The following SCAF11 variants were observed in gnomAD, a reference collection of about 807,000 sequenced individuals.
SCAF11 encodes SR-related CTD associated factor 11.
SCAF11 carries 47 observed loss-of-function variants against 140.5 expected under a neutral mutation model. That is an observed-to-expected ratio of 0.33 (90% CI 0.26 to 0.43). The LOEUF is 0.43. SCAF11 is among the 20% of genes least tolerant of loss of function. The pLI, the probability that SCAF11 is intolerant of heterozygous loss-of-function variation, is 1.00. For missense variants in SCAF11, 1,645 were observed against 1,705.1 expected (o/e 0.96, Z 0.62); for synonymous variants, 557 against 579.4 (o/e 0.96, Z 0.55).
chr12:45,929,929 G>C (rs1945000875), intron 10 of SCAF11: 1 of 152,184 alleles, frequency 6.6e-6, no homozygotes, highest in Middle Eastern at 3.4e-3. Flanking sequence ...GTCAAAAATT[G>C]AAACAGTTTT....
chr12:45,958,197 G>T (rs1489988541), intron 3 of SCAF11, among the ~76,000 whole-genome samples: 1 of 152,050 alleles, frequency 6.6e-6, no homozygotes, highest in Non-Finnish European at 1.5e-5. Context: ...GAGCCATCAT[G>T]CCTGGCCAAT....
At chr12:45,932,558 A>G (rs1423657521) in intron 9 of SCAF11, among the ~76,000 whole-genome samples, 1 of 152,132 alleles carries the variant, frequency 6.6e-6, no homozygotes, top group Admixed American at 6.5e-5. Flanking sequence ...TAAAGTCATA[A>G]TATGTTATAG....
intron 5 of SCAF11, among the ~76,000 whole-genome samples, chr12:45,947,972 T>C (rs1945464538): frequency 1.3e-5 from 2 of 152,200 alleles, no homozygotes; most frequent in African/African-American, 4.8e-5. Context: ...CCACCACACC[T>C]GGCCAGCATT....
chr12:45,945,483 ATAT>A (rs1945400253), intron 5 of SCAF11, among the ~76,000 whole-genome samples, 170 bp from the exon 6 acceptor site: 1 of 151,678 alleles, frequency 6.6e-6, no homozygotes, highest in Non-Finnish European at 1.5e-5. Flanking sequence ...CTCCTATGAG[ATAT>A]TAGAATGTCA....
chr12:45,953,279 GAACTT>G (rs1197427516), intron 3 of SCAF11, among the ~76,000 whole-genome samples: 6 of 152,178 alleles, frequency 3.9e-5, no homozygotes, highest in Non-Finnish European at 4.4e-5. Flanking sequence ...CTAGTTCGAA[GAACTT>G]AACATCATAA....
intron 1 of SCAF11, among the ~76,000 whole-genome samples, chr12:45,987,158 G>C (rs568150969): frequency 1.1e-4 from 17 of 152,176 alleles, no homozygotes; most frequent in Non-Finnish European, 1.8e-4. Context: ...CCAGGAATTT[G>C]AGACCAGCCT....
At chr12:45,989,196 T>A (rs1332446999) in intron 1 of SCAF11, among the ~76,000 whole-genome samples, 1 of 152,244 alleles carries the variant, frequency 6.6e-6, no homozygotes, top group African/African-American at 2.4e-5. Context: ...GCCCTGATAT[T>A]CTGCTGCTGA....
chr12:45,982,184 G>A (rs992116128), intron 1 of SCAF11, among the ~76,000 whole-genome samples: 19 of 152,172 alleles, frequency 1.2e-4, no homozygotes, highest in African/African-American at 4.1e-4. Flanking sequence ...TCAAGCTGAT[G>A]TCTTAAGTAA....
At chr12:45,988,204 A>T (rs1185757292) in intron 1 of SCAF11, among the ~76,000 whole-genome samples, 2 of 152,212 alleles carry the variant, frequency 1.3e-5, no homozygotes, top group Non-Finnish European at 2.9e-5. Context: ...TAAAAGACAA[A>T]AGCAGGTGAT....
chr12:45,980,147 T>C (rs1028969244), intron 1 of SCAF11, among the ~76,000 whole-genome samples: 1 of 152,178 alleles, frequency 6.6e-6, no homozygotes, highest in African/African-American at 2.4e-5. Flanking sequence ...AAGCCAGCAT[T>C]AAGTAGTAGG....
chr12:45,936,729 T>C (rs1469937979), intron 6 of SCAF11, among the ~76,000 whole-genome samples: 2 of 152,238 alleles, frequency 1.3e-5, no homozygotes, highest in Non-Finnish European at 2.9e-5. Flanking sequence ...TCCTGTTTAA[T>C]CTTTTCCTGA....
chr12:45,923,007 C>T lies in SCAF11; in HGVS notation c.4054G>A (p.Ala1352Thr). The T allele has an allele frequency of 6.2e-7, 1 of 1,614,182 alleles. No homozygotes were observed. The highest frequency in any genetic ancestry group is 8.5e-7 in the Non-Finnish European group (1 of 1,180,024). The change falls in exon 13 of 15, where the codon GCT (alanine) becomes ACT (threonine). Residue 1352 changes from alanine to threonine, a missense_variant. Around this residue, in one of 2 missense-constraint regions of SCAF11, gnomAD observed 1,582 missense variants for 1,609.2 expected, o/e 0.98. Coordinates refer to ENST00000369367, the MANE Select transcript of SCAF11 (RefSeq NM_004719.3). ...SSSHSKASNA[A>T]VKLAESKVSV... ...ACTTTGCTTTCTGCCAATTTTACAG[C>T]AGCATTAGAGGCTTTGCTGTGACTT...
intron 1 of SCAF11, among the ~76,000 whole-genome samples, chr12:45,969,983 G>A (rs558616898): frequency 2.5e-4 from 38 of 152,088 alleles, no homozygotes; most frequent in Middle Eastern, 3.4e-3. Flanking sequence ...CGCAACCTCC[G>A]CTTCCCAAGT....
rs76820670 is a variant in SCAF11 at position 45,974,087 on chromosome 12, A to G, written c.-21-9899T>C. On this transcript the variant is annotated intron_variant, in intron 1 of 14. Transcript: ENST00000369367. ...AATATTGCAATAAAGCAAGTCACAC[A>G]AAATTTTTGGTTTCCTAGTATATAT... 1,898 of 415,168 alleles carry G rather than the reference A, an allele frequency of 4.6e-3. 31 individuals carry two copies. Among genetic ancestry groups the G allele is most frequent in the African/African-American group, 0.037 (1,768 of 48,356 alleles). The allele number at this position is 415,168 out of a possible 1,614,324, so 25.7% of individuals were successfully genotyped here.
intron 3 of SCAF11, among the ~76,000 whole-genome samples, chr12:45,953,179 G>A (rs1193527680): frequency 1.3e-5 from 2 of 152,152 alleles, no homozygotes; most frequent in African/African-American, 4.8e-5. Context: ...ATGGATTTAG[G>A]AGGCTATTAC....
chr12:45,959,855 G>C (rs941264918), intron 3 of SCAF11, among the ~76,000 whole-genome samples: 5 of 152,140 alleles, frequency 3.3e-5, no homozygotes, highest in Non-Finnish European at 7.4e-5. Flanking sequence ...AAATAATTCA[G>C]AATGTTCTGT....
chr12:45,933,081 T>C (rs781763627), intron 9 of SCAF11, 50 bp downstream of exon 9: 1 of 1,203,170 alleles, frequency 8.3e-7, no homozygotes, highest in Non-Finnish European at 1.2e-6. Context: ...TAATGCTATC[T>C]TGTTCATGTT....
chr12:45,964,015 A>C, intron 2 of SCAF11, 92 bp downstream of exon 2: 1 of 664,858 alleles, frequency 1.5e-6, no homozygotes, highest in Non-Finnish European at 2.6e-6. Context: ...ATAACAAAAA[A>C]CTCCTGTGTA....
chr12:45,981,264 A>G (rs932118092), intron 1 of SCAF11, among the ~76,000 whole-genome samples: 2 of 152,232 alleles, frequency 1.3e-5, no homozygotes, highest in Admixed American at 6.5e-5. Context: ...TATATCAGTA[A>G]GACATGTTAA....
Sources: gnomAD v4.1 joint callset for allele counts (sites outside exome capture counted in the v4.1 genomes callset) on GRCh38, gnomAD v4.1.1 for gene constraint, gnomAD v4.1.1 regional missense constraint, MANE v1.5 for transcripts, NCBI Gene and HGNC (gene_info 2026-07-23, HGNC 2026-07-21) for gene names.